VPS26A: variants seen among roughly 807,000 people sequenced by gnomAD.
VPS26A encodes the protein VPS26 retromer complex component A, also known as vacuolar protein sorting-associated protein 26A.
In VPS26A, 22 loss-of-function variants were observed where a neutral mutation model predicts 42.4. That is an observed-to-expected ratio of 0.52 (90% CI 0.37 to 0.74). The LOEUF (loss-of-function observed/expected upper bound fraction) is 0.74. Among genes scored for constraint, VPS26A ranks in the 30% least tolerant of loss-of-function variants. The pLI is 0.00. For synonymous variants in VPS26A, 110 were observed against 123.5 expected, an observed-to-expected ratio of 0.89 and a Z score of 0.73; for missense variants, 276 against 379.2, an observed-to-expected ratio of 0.73 and a Z score of 2.26.
At chr10:69,129,812 C>T (rs1490424570) in intron 1 of VPS26A, among the ~76,000 whole-genome samples, 4 of 152,086 alleles carry the variant, frequency 2.6e-5, no homozygotes, top group South Asian at 2.1e-4. Flanking sequence ...TGTGAGCTAC[C>T]GCGCCTGGCC....
rs971489778 is a variant in VPS26A, at chr10:69,159,223, A to G, written c.551+1012A>G. ...TGGAGAAACTCCGTCTCCACTGAAA[A>G]TACAAAAATTAGATGGGTGTGGCGG... On this transcript the variant is annotated intron_variant, in intron 5 of 8. Coordinates refer to ENST00000263559, the MANE Select transcript of VPS26A (RefSeq NM_004896.5). Among the ~76,000 whole-genome samples the G allele has an allele frequency of 1.9e-4, 29 of 152,058 alleles. 1 individual carries two copies. The highest frequency in any genetic ancestry group is 1.7e-3 in the Admixed American group (26 of 15,256).
intron 6 of VPS26A, among the ~76,000 whole-genome samples, chr10:69,163,980 G>T (rs1433260910): frequency 6.6e-6 from 1 of 150,808 alleles, no homozygotes; most frequent in African/African-American, 2.4e-5. Flanking sequence ...TGTTAGCCAG[G>T]ATGGTCTCGA....
intron 2 of VPS26A, 62 bp downstream of exon 2, chr10:69,133,109 G>A: frequency 6.5e-7 from 1 of 1,532,518 alleles, no homozygotes; most frequent in Admixed American, 2.2e-5. Flanking sequence ...TATCAAAGTG[G>A]TCTGTGCTGT....
rs141199209 is a variant in VPS26A, at chr10:69,149,890, C to T, written c.154-5922C>T. Among the ~76,000 whole-genome samples the T allele has an allele frequency of 2.4e-4, 36 of 151,356 alleles. 1 individual carries two copies. The highest frequency in any genetic ancestry group is 8.0e-4 in the African/African-American group (33 of 41,220). On this transcript the variant is annotated intron_variant, in intron 2 of 8. Coordinates refer to ENST00000263559, the MANE Select transcript of VPS26A (RefSeq NM_004896.5). Reference sequence around the variant, plus strand: ...GCTTCCTGAGTAGCTGGAACAGGCGCGTGCCATCACGCCCTACTAATTTTT... The same window carrying T: ...GCTTCCTGAGTAGCTGGAACAGGCGTGTGCCATCACGCCCTACTAATTTTT...
rs78982332 is a variant in VPS26A, at chr10:69,133,695, G to A, written c.153+648G>A. 1,407 of 977,290 alleles carry A rather than the reference G, an allele frequency of 1.4e-3. 36 individuals are homozygous for A. In the East Asian group the frequency reaches 0.062, roughly 43 times the overall value. The allele number at this position is 977,290 out of a possible 1,614,324, so 60.5% of individuals were successfully genotyped here. On this transcript the variant is annotated intron_variant, in intron 2 of 8. Transcript: ENST00000263559. ...TGGGTTTTTTGTTTTGTTTTGTTTC[G>A]TTTTTTAAATAGGGTCTCACTCTGT...
At chr10:69,140,335 A>C (rs1458700039) in intron 2 of VPS26A, among the ~76,000 whole-genome samples, 1 of 152,028 alleles carries the variant, frequency 6.6e-6, no homozygotes, top group African/African-American at 2.4e-5. Flanking sequence ...TGGCCTCCCA[A>C]AGTGCTGAGA....
chr10:69,127,644 T>C (rs1840690869), intron 1 of VPS26A, among the ~76,000 whole-genome samples: 1 of 152,108 alleles, frequency 6.6e-6, no homozygotes, highest in South Asian at 2.1e-4. Context: ...ACCTATTACT[T>C]TTTTGCATAT....
chr10:69,145,672 T>A (rs767124501), intron 2 of VPS26A, among the ~76,000 whole-genome samples: 1 of 152,186 alleles, frequency 6.6e-6, no homozygotes, highest in African/African-American at 2.4e-5. Flanking sequence ...GTGAACCTGT[T>A]CAGAATTTTA....
intron 1 of VPS26A, among the ~76,000 whole-genome samples, chr10:69,130,733 A>T (rs1377827418): frequency 6.6e-6 from 1 of 152,132 alleles, no homozygotes; most frequent in Non-Finnish European, 1.5e-5. Flanking sequence ...TAACACCATA[A>T]TGTACCTTAC....
chr10:69,170,130 T>A (rs985951028), intron 8 of VPS26A: 1 of 152,210 alleles, frequency 6.6e-6, no homozygotes, highest in Non-Finnish European at 1.5e-5. Context: ...AAAAACTACC[T>A]TTTATAAACA....
chr10:69,140,482 C>A (rs1286498872), intron 2 of VPS26A, among the ~76,000 whole-genome samples: 2 of 152,152 alleles, frequency 1.3e-5, no homozygotes, highest in Non-Finnish European at 2.9e-5. Context: ...AAGCGATCTT[C>A]CCATCTCTGC....
In VPS26A at chr10:69,173,128, T is replaced by C. The variant is rs564319566; in HGVS notation, c.*1859T>C. Among the ~76,000 whole-genome samples, 3 of 152,322 alleles carry C rather than the reference T, an allele frequency of 2.0e-5. No homozygotes were observed. Among genetic ancestry groups the C allele is most frequent in the African/African-American group, 7.2e-5 (3 of 41,576 alleles). On this transcript the variant is annotated 3_prime_UTR_variant, in exon 9 of 9. Transcript: ENST00000263559. ...ATTTGAAAAAAATTCAAATTTAATA[T>C]TTGGTGATTTCAGTCAAAAGTCAGC...
intron 7 of VPS26A, among the ~76,000 whole-genome samples, chr10:69,167,721 C>T (rs1451430396): frequency 6.7e-5 from 8 of 119,426 alleles, no homozygotes; most frequent in South Asian, 2.7e-4. Flanking sequence ...CCGGCCTGGG[C>T]GACAGACCAA....
In VPS26A at chr10:69,171,266, G is replaced by A. The variant is rs140007940; in HGVS notation, c.981G>A (p.Met327Ile). 137 of 1,612,522 alleles carry A rather than the reference G, an allele frequency of 8.5e-5. 1 individual carries two copies. In the Middle Eastern group the frequency reaches 1.2e-3, roughly 14 times the overall value. ...ESQASAEQPE[M>I] ...AGGCATCTGCCGAACAGCCTGAAAT[G>A]TGAACTGAACAGGAGAAAAAAAGAA... The change falls in exon 9 of 9, where the codon ATG becomes ATA. Residue 327 changes from methionine to isoleucine, a missense_variant. Met to Ile is a conservative substitution (Grantham distance 10, BLOSUM62 1). Coordinates refer to ENST00000263559, the MANE Select transcript of VPS26A (RefSeq NM_004896.5).
intron 6 of VPS26A, among the ~76,000 whole-genome samples, chr10:69,165,116 C>T (rs537224968): frequency 4.6e-5 from 7 of 151,996 alleles, no homozygotes; most frequent in African/African-American, 9.6e-5. Flanking sequence ...TTAGTAGAGA[C>T]GGGGTTTCAC....
At chr10:69,150,163 C>T (rs150728084) in intron 2 of VPS26A, among the ~76,000 whole-genome samples, 2,375 of 151,868 alleles carry the variant, frequency 0.016, 30 homozygotes, top group Middle Eastern at 0.024. Flanking sequence ...TAGTGATACT[C>T]CCACCTCAGC....
At chr10:69,154,556 T>G (rs1841388415) in intron 2 of VPS26A, among the ~76,000 whole-genome samples, 1 of 150,980 alleles carries the variant, frequency 6.6e-6, no homozygotes, top group African/African-American at 2.4e-5. Context: ...AAAGGAATTC[T>G]ATATAGATCT....
chr10:69,133,154 A>AT (rs1047642352), intron 2 of VPS26A, 107 bp downstream of exon 2: 569 of 1,171,042 alleles, frequency 4.9e-4, no homozygotes, highest in East Asian at 2.0e-3. Context: ...AGGGAGAGAG[A>AT]TTTTTTTTTC....
Position 69,149,804 on chromosome 10 carries a change from T to C in VPS26A, c.154-6008T>C, listed in dbSNP as rs1841258891. 2.9e-5 allele frequency among the ~76,000 whole-genome samples: 4 copies of C among 136,382 alleles called. No individual in the cohort carries two copies. In the Admixed American group the frequency reaches 3.4e-4, roughly 12 times the overall value. 89.5% of individuals were successfully genotyped at this position (136,382 alleles called of 152,430 possible). ...GTCTGTCACCCAGGCTGGAGTGCAG[T>C]GGCATGATCTCAGCTCACTGCAGCC... On this transcript the variant is annotated intron_variant, in intron 2 of 8. Transcript: ENST00000263559.
Sources: gnomAD v4.1 joint callset for allele counts (sites outside exome capture counted in the v4.1 genomes callset) on GRCh38, gnomAD v4.1.1 for gene constraint, MANE v1.5 for transcripts, NCBI Gene and HGNC (gene_info 2026-07-23, HGNC 2026-07-21) for gene names.